WFDC1: variants seen among roughly 807,000 people sequenced by gnomAD.
WFDC1 encodes WAP four-disulfide core domain protein 1.
In WFDC1, 39 loss-of-function variants were observed where a neutral mutation model predicts 32.9. The observed-to-expected ratio is 1.19, with a 90% confidence interval of 0.92 to 1.55. WFDC1 has a LOEUF of 1.55. Among genes scored for constraint, WFDC1 ranks in the 40% most tolerant of loss-of-function variants. The pLI is 0.00. For missense variants in WFDC1, 386 were observed against 309.5 expected (o/e 1.25, Z -1.85); for synonymous variants, 184 against 137.4 (o/e 1.34, Z -2.37).
chr16:84,326,469 G>A (rs1337190182), intron 5 of WFDC1: 2 of 178,240 alleles, frequency 1.1e-5, no homozygotes, highest in African/African-American at 4.7e-5. Flanking sequence ...AAGCCTTCCT[G>A]ACATCACATG....
chr16:84,319,836 G>C (rs551276876), intron 4 of WFDC1, among the ~76,000 whole-genome samples: 13 of 152,306 alleles, frequency 8.5e-5, no homozygotes, highest in African/African-American at 3.1e-4. Flanking sequence ...GGGCGACACT[G>C]GGGTTAATTT....
chr16:84,319,082 CT>C (rs1908139822), intron 3 of WFDC1: 3 of 336,852 alleles, frequency 8.9e-6, no homozygotes, highest in South Asian at 9.7e-5. Flanking sequence ...GTCTGACTTG[CT>C]TGTGTAAATG....
At chr16:84,312,057 C>T (rs1158590982) in intron 1 of WFDC1, among the ~76,000 whole-genome samples, 2 of 151,826 alleles carry the variant, frequency 1.3e-5, no homozygotes, top group East Asian at 1.9e-4. Flanking sequence ...CCCAGCTACT[C>T]GGGAGGCTGA....
chr16:84,318,435 C>A, intron 3 of WFDC1, 80 bp downstream of exon 3: 1 of 1,403,334 alleles, frequency 7.1e-7, no homozygotes, highest in Non-Finnish European at 1.0e-6. Context: ...GCTGGCAGCA[C>A]CAGGCCGGCT....
intron 2 of WFDC1, among the ~76,000 whole-genome samples, chr16:84,314,057 GAAAAA>G (rs1907809060): frequency 6.6e-6 from 1 of 151,406 alleles, no homozygotes; most frequent in African/African-American, 2.4e-5. Flanking sequence ...AAAAAAGAAA[GAAAAA>G]GAAAAGAAAA....
intron 1 of WFDC1, among the ~76,000 whole-genome samples, chr16:84,309,124 C>G (rs1196656860): frequency 2.6e-5 from 4 of 152,186 alleles, no homozygotes; most frequent in African/African-American, 9.7e-5. Flanking sequence ...CCGGATGAGA[C>G]AAGCTCAGCT....
intron 2 of WFDC1, 123 bp from the exon 3 acceptor site, chr16:84,318,149 C>G (rs1311738516): frequency 1.2e-6 from 1 of 841,284 alleles, no homozygotes; most frequent in African/African-American, 1.7e-5. Flanking sequence ...TGCCAGGAAC[C>G]ATAGTTATTT....
Position 84,294,976 on chromosome 16 carries a change from C to G in WFDC1, c.5C>G (p.Pro2Arg). The change falls in exon 1 of 7, where the codon CCT becomes CGT. Residue 2 changes from proline (P) to arginine (R), a missense_variant. Physicochemically the swap from Pro to Arg is moderately radical, Grantham distance 103. Coordinates refer to ENST00000219454, the MANE Select transcript of WFDC1 (RefSeq NM_021197.4). MPLTGVGPGSCR... is the reference protein window; with the variant it reads MRLTGVGPGSCR... The stretch of plus-strand genomic sequence containing the variant: ...AGGTCGCTGCCCAGGGAGGAAATGC[C>G]TTTAACCGGCGTGGGGCCGGGCAGC... 1 of 1,612,682 alleles carries G rather than the reference C, an allele frequency of 6.2e-7. No homozygotes were observed. Among genetic ancestry groups the G allele is most frequent in the Non-Finnish European group, 8.5e-7 (1 of 1,179,292 alleles).
chr16:84,305,785 T>A (rs1907213377), intron 1 of WFDC1, among the ~76,000 whole-genome samples: 1 of 152,142 alleles, frequency 6.6e-6, no homozygotes, highest in Admixed American at 6.6e-5. Flanking sequence ...GCAGATCACC[T>A]GAGCTCAGGA....
At chr16:84,310,277 G>A (rs781044671) in intron 1 of WFDC1, among the ~76,000 whole-genome samples, 5 of 152,002 alleles carry the variant, frequency 3.3e-5, no homozygotes, top group African/African-American at 4.8e-5. Flanking sequence ...AGCCTTGAGC[G>A]CTGATTTGAG....
At chr16:84,308,277 G>A (rs1459704307) in intron 1 of WFDC1, among the ~76,000 whole-genome samples, 3 of 152,088 alleles carry the variant, frequency 2.0e-5, no homozygotes, top group African/African-American at 7.2e-5. Context: ...AATTCCCAGG[G>A]GCACCCGGCC....
intron 4 of WFDC1, among the ~76,000 whole-genome samples, chr16:84,321,960 G>C (rs1183884097): frequency 2.0e-5 from 3 of 152,190 alleles, no homozygotes; most frequent in African/African-American, 7.2e-5. Context: ...GGTAGTTATG[G>C]GGCTTGAGTG....
chr16:84,327,022 C>T, intron 6 of WFDC1, 67 bp downstream of exon 6: 1 of 1,531,306 alleles, frequency 6.5e-7, no homozygotes, highest in Non-Finnish European at 9.0e-7. Context: ...TGGCAGCTTT[C>T]ACCACCAGGT....
At position 84,319,412 on chromosome 16, in the gene WFDC1, G is replaced by C. The variant is rs1485729759; in HGVS notation, c.422-19G>C. On this transcript the variant is annotated intron_variant, in intron 3 of 6. Coordinates refer to ENST00000219454, the MANE Select transcript of WFDC1 (RefSeq NM_021197.4). The stretch of plus-strand genomic sequence containing the variant: ...CTGGGAGTCGGCCTTCTAGACCCCA[G>C]CGTGTGTCCCTCCTGCAGCAGAGGC... The C allele has an allele frequency of 6.2e-7, 1 of 1,606,790 alleles. No individual in the cohort carries two copies. The highest frequency in any genetic ancestry group is 8.5e-7 in the Non-Finnish European group (1 of 1,179,532).
intron 1 of WFDC1, chr16:84,295,925 TCTGC>T (rs911814318): frequency 6.6e-6 from 1 of 152,322 alleles, no homozygotes; most frequent in African/African-American, 2.4e-5. Context: ...GCCTCACATC[TCTGC>T]CTGGGGAACT....
intron 1 of WFDC1, among the ~76,000 whole-genome samples, chr16:84,297,138 G>C (rs944357573): frequency 6.6e-6 from 1 of 152,154 alleles, no homozygotes; most frequent in East Asian, 1.9e-4. Context: ...TGATATGCGC[G>C]GGGGATTTGG....
Position 84,312,946 on chromosome 16 carries a change from G to A in WFDC1, c.145-15G>A, listed in dbSNP as rs1378195509. The A allele has an allele frequency of 1.7e-6, 2 of 1,152,280 alleles. No homozygotes were observed. The highest frequency in any genetic ancestry group is 2.1e-6 in the Non-Finnish European group (2 of 937,632). The allele number at this position is 1,152,280 out of a possible 1,614,324, so 71.4% of individuals were successfully genotyped here. A position where few individuals can be genotyped will look rare whatever the true frequency, so the allele number is the denominator to read the frequency against. On this transcript the variant is annotated splice_polypyrimidine_tract_variant and intron_variant, in intron 1 of 6. Coordinates refer to ENST00000219454, the MANE Select transcript of WFDC1 (RefSeq NM_021197.4). ...CGCGCGCCCCAGAGCTGCTGACACC[G>A]CCCTCTCCCCGCAGGCCGAGGAGGC...
intron 1 of WFDC1, among the ~76,000 whole-genome samples, chr16:84,308,163 C>T (rs1035290729): frequency 2.6e-5 from 4 of 152,170 alleles, no homozygotes; most frequent in Non-Finnish European, 2.9e-5. Flanking sequence ...CACCACCCCC[C>T]GCTCCTGCTT....
Position 84,318,372 on chromosome 16 carries a change from G to T in WFDC1, c.421+17G>T. 6.2e-7 allele frequency: 1 copy of T among 1,613,012 alleles called. No individual in the cohort carries two copies. Among genetic ancestry groups the T allele is most frequent in the Non-Finnish European group, 8.5e-7 (1 of 1,179,142 alleles). The stretch of plus-strand genomic sequence containing the variant: ...TGTTACAAGGTACCTGCCGGGTAAA[G>T]CCCAGACCCTACATCCAAGCCTCGA... On this transcript the variant is annotated intron_variant, in intron 3 of 6. Transcript: ENST00000219454.
Sources: allele counts gnomAD v4.1 joint callset (sites outside exome capture counted in the v4.1 genomes callset), GRCh38; gene constraint gnomAD v4.1.1; transcripts MANE v1.5; gene names NCBI Gene and HGNC (gene_info 2026-07-23, HGNC 2026-07-21).